Variants in GTF2F2 observed in about 807,000 individuals in gnomAD.
GTF2F2 encodes ATP-dependent helicase GTF2F2.
Under a neutral mutation model 42.2 loss-of-function variants are expected in GTF2F2, and 23 were observed. That is an observed-to-expected ratio of 0.55 (90% confidence interval 0.39 to 0.77). The LOEUF is 0.77. Among genes scored for constraint, GTF2F2 ranks in the 30% least tolerant of loss-of-function variants. The pLI, the probability that GTF2F2 is intolerant of heterozygous loss-of-function variation, is 0.00. For synonymous variants in GTF2F2, 105 were observed against 100.8 expected (o/e 1.04, Z -0.25); for missense variants, 261 against 287.2 (o/e 0.91, Z 0.66).
chr13:45,152,936 G>A (rs1040736876), intron 4 of GTF2F2, among the ~76,000 whole-genome samples: 5 of 151,912 alleles, frequency 3.3e-5, no homozygotes, highest in African/African-American at 1.2e-4. Context: ...ATTTCATCAA[G>A]CATTTCAAAG....
chr13:45,183,261 G>A (rs545753882), intron 4 of GTF2F2, among the ~76,000 whole-genome samples: 6 of 152,152 alleles, frequency 3.9e-5, no homozygotes, highest in African/African-American at 1.4e-4. Context: ...AATTAACTCC[G>A]CTAGCAAAGT....
At chr13:45,124,334 T>A (rs1868855396) in intron 1 of GTF2F2, among the ~76,000 whole-genome samples, 1 of 151,570 alleles carries the variant, frequency 6.6e-6, no homozygotes, top group African/African-American at 2.4e-5. Context: ...CACCCGCCTC[T>A]GCCTCCCAAA....
chr13:45,153,949 C>G (rs1870625057), intron 4 of GTF2F2, among the ~76,000 whole-genome samples: 1 of 144,954 alleles, frequency 6.9e-6, no homozygotes, highest in South Asian at 2.2e-4. Flanking sequence ...TGTACTCCAG[C>G]CTGGGCAACA....
chr13:45,151,681 T>C lies in GTF2F2; in HGVS notation c.160-6T>C. 3.1e-6 allele frequency: 5 copies of C among 1,587,524 alleles called. No individual in the cohort carries two copies. In the South Asian group the frequency reaches 5.5e-5, roughly 18 times the overall value. ...TGTTATAATCTCTGGTTAATGTGTCTATTAGGTGTCATTTACTTTGAATGA... is the reference window on the plus strand; with the variant it reads ...TGTTATAATCTCTGGTTAATGTGTCCATTAGGTGTCATTTACTTTGAATGA... On this transcript the variant is annotated splice_polypyrimidine_tract_variant and splice_region_variant and intron_variant, in intron 3 of 7. Coordinates refer to ENST00000340473, the MANE Select transcript of GTF2F2 (RefSeq NM_004128.3).
intron 2 of GTF2F2, among the ~76,000 whole-genome samples, chr13:45,148,003 C>T (rs911861129): frequency 6.6e-6 from 1 of 152,016 alleles, no homozygotes; most frequent in African/African-American, 2.4e-5. Flanking sequence ...TTGGACGTGT[C>T]TATTTTCATT....
At chr13:45,233,086 A>G (rs1874769656) in intron 5 of GTF2F2, among the ~76,000 whole-genome samples, 1 of 152,190 alleles carries the variant, frequency 6.6e-6, no homozygotes, top group African/African-American at 2.4e-5. Context: ...TCTACCTTGT[A>G]TATGCATTAA....
intron 6 of GTF2F2, among the ~76,000 whole-genome samples, chr13:45,265,314 CTG>C (rs1195594712): frequency 2.6e-5 from 4 of 151,580 alleles, no homozygotes; most frequent in Non-Finnish European, 5.9e-5. Flanking sequence ...ACAATACAAT[CTG>C]TGTCATTCAT....
chr13:45,202,083 C>G (rs1490473395), intron 4 of GTF2F2, among the ~76,000 whole-genome samples: 1 of 151,842 alleles, frequency 6.6e-6, no homozygotes, highest in Non-Finnish European at 1.5e-5. Flanking sequence ...ACAATCATTG[C>G]TTATTCTTCA....
intron 1 of GTF2F2, among the ~76,000 whole-genome samples, chr13:45,132,382 A>C (rs1389596417): frequency 6.6e-6 from 1 of 150,390 alleles, no homozygotes; most frequent in Non-Finnish European, 1.5e-5. Context: ...GGGTTGTTGG[A>C]CTTAAGAGTC....
At chr13:45,276,660 C>T (rs534920805) in intron 7 of GTF2F2, among the ~76,000 whole-genome samples, 22 of 152,250 alleles carry the variant, frequency 1.4e-4, no homozygotes, top group African/African-American at 4.3e-4. Flanking sequence ...AGGCTGGTCT[C>T]GAGCTCCTGA....
chr13:45,139,466 C>T (rs982395595), intron 2 of GTF2F2, among the ~76,000 whole-genome samples: 8 of 152,206 alleles, frequency 5.3e-5, no homozygotes, highest in Non-Finnish European at 8.8e-5. Context: ...TGCTATTCTT[C>T]TGTTTTTTCT....
intron 4 of GTF2F2, among the ~76,000 whole-genome samples, chr13:45,173,337 A>T (rs898609433): frequency 6.7e-6 from 1 of 149,492 alleles, no homozygotes; most frequent in South Asian, 2.1e-4. Context: ...CACTGGTCCC[A>T]TTCAGATTTC....
intron 4 of GTF2F2, among the ~76,000 whole-genome samples, chr13:45,205,801 A>G (rs1388759803): frequency 6.6e-6 from 1 of 152,148 alleles, no homozygotes; most frequent in Non-Finnish European, 1.5e-5. Flanking sequence ...TATAGCTGTG[A>G]GCCACCGTGG....
intron 1 of GTF2F2, among the ~76,000 whole-genome samples, chr13:45,122,868 T>C (rs1428639135): frequency 1.3e-5 from 2 of 152,242 alleles, no homozygotes; most frequent in South Asian, 2.1e-4. Context: ...ATTCCATCAC[T>C]AGACAGGTAT....
At chr13:45,261,402 G>A (rs141796841) in intron 6 of GTF2F2, among the ~76,000 whole-genome samples, 1,817 of 147,710 alleles carry the variant, frequency 0.012, 39 homozygotes, top group African/African-American at 0.041. Context: ...CTCCAGCCTG[G>A]GGGACAGAGC....
chr13:45,202,280 A>G (rs1233415437), intron 4 of GTF2F2, among the ~76,000 whole-genome samples: 3 of 152,136 alleles, frequency 2.0e-5, no homozygotes, highest in Non-Finnish European at 4.4e-5. Flanking sequence ...CCAGCTACCC[A>G]GGAGGCAGAG....
At chr13:45,256,421 C>CCTCTA (rs1190960327) in intron 6 of GTF2F2, among the ~76,000 whole-genome samples, 8 of 151,958 alleles carry the variant, frequency 5.3e-5, no homozygotes, top group Non-Finnish European at 1.0e-4. Context: ...GCTATAGCAC[C>CCTCTA]CTCTATAAAG....
At chr13:45,199,423 T>G (rs1055485214) in intron 4 of GTF2F2, among the ~76,000 whole-genome samples, 1 of 152,266 alleles carries the variant, frequency 6.6e-6, no homozygotes, top group Non-Finnish European at 1.5e-5. Context: ...TATTAATTCA[T>G]GTTTTACATG....
rs1872399939 is a variant in GTF2F2 at position 45,185,944 on chromosome 13, G to A, written c.305-21480G>A. On this transcript the variant is annotated intron_variant, in intron 4 of 7. Coordinates refer to ENST00000340473, the MANE Select transcript of GTF2F2 (RefSeq NM_004128.3). The stretch of plus-strand genomic sequence containing the variant: ...ATCAAAATAGTTTTGTTAGGATATA[G>A]GATTATGGTATCTTCATTCATATTT... 2.6e-5 allele frequency among the ~76,000 whole-genome samples: 4 copies of A among 151,826 alleles called. No individual in the cohort carries two copies. In the South Asian group the frequency reaches 6.2e-4, roughly 24 times the overall value.
Sources: gnomAD v4.1 joint callset for allele counts (sites outside exome capture counted in the v4.1 genomes callset) on GRCh38, gnomAD v4.1.1 for gene constraint, MANE v1.5 for transcripts, NCBI Gene and HGNC (gene_info 2026-07-23, HGNC 2026-07-21) for gene names.